Variants in GUCY1A2 observed in about 807,000 individuals in gnomAD.
GUCY1A2 encodes the protein guanylate cyclase 1 soluble subunit alpha 2.
In GUCY1A2, 27 loss-of-function variants were observed where a neutral mutation model predicts 63.5. The ratio of observed to expected loss-of-function variants is 0.43; its 90% confidence interval spans 0.31 to 0.59. The LOEUF is 0.59. Ranked by LOEUF, GUCY1A2 falls within the 20% of genes least tolerant of loss-of-function variation. GUCY1A2 has a pLI of 0.11. For missense variants in GUCY1A2, 768 were observed against 913.3 expected, an observed-to-expected ratio of 0.84 and a Z score of 2.05; for synonymous variants, 364 against 343.5, an observed-to-expected ratio of 1.06 and a Z score of -0.66.
At chr11:106,996,066 C>T (rs976277368) in intron 1 of GUCY1A2, among the ~76,000 whole-genome samples, 5 of 152,166 alleles carry the variant, frequency 3.3e-5, no homozygotes, top group Non-Finnish European at 5.9e-5. Flanking sequence ...GCTGTCAACC[C>T]TAAATGCACT....
chr11:106,972,604 C>G (rs1199263162), intron 3 of GUCY1A2, among the ~76,000 whole-genome samples: 3 of 151,992 alleles, frequency 2.0e-5, no homozygotes, highest in Non-Finnish European at 4.4e-5. Flanking sequence ...AAAAGAAAAG[C>G]TATGTCTGGA....
In GUCY1A2 at chr11:106,939,563, G is replaced by A; in HGVS notation, c.1103C>T (p.Ser368Phe). Reference sequence around the variant, plus strand: ...TTCAAAGGTGGCATTAACCTTTGGAGATACAATCTCGAAGCAGTCCTCAAA... The same window carrying A: ...TTCAAAGGTGGCATTAACCTTTGGAAATACAATCTCGAAGCAGTCCTCAAA... The part of the protein sequence containing the change: ...LKFEDCFEIV[S>F]PKVNATFERV... The change falls in exon 4 of 8, where the codon TCT becomes TTT. Residue 368 changes from serine to phenylalanine, a missense_variant. Ser to Phe is a radical substitution (Grantham distance 155). Around this residue, in one of 3 missense-constraint regions of GUCY1A2, gnomAD observed 496 missense variants for 486.9 expected, o/e 1.02. Transcript: ENST00000526355. 6.2e-7 allele frequency: 1 copy of A among 1,613,658 alleles called. No homozygotes were observed. The highest frequency in any genetic ancestry group is 1.1e-5 in the South Asian group (1 of 91,076).
intron 4 of GUCY1A2, among the ~76,000 whole-genome samples, chr11:106,855,320 A>G (rs1591303237): frequency 6.6e-6 from 1 of 152,220 alleles, no homozygotes; most frequent in Middle Eastern, 3.4e-3. Context: ...CCCACAATGA[A>G]GACACCTTCC....
At chr11:106,758,069 G>A (rs964966373) in intron 6 of GUCY1A2, among the ~76,000 whole-genome samples, 6 of 152,154 alleles carry the variant, frequency 3.9e-5, no homozygotes, top group African/African-American at 1.2e-4. Flanking sequence ...GGAATCTAGA[G>A]AGGCAGTCAG....
intron 1 of GUCY1A2, among the ~76,000 whole-genome samples, chr11:106,986,962 T>C (rs1342096275): frequency 6.6e-6 from 1 of 152,204 alleles, no homozygotes; most frequent in African/African-American, 2.4e-5. Context: ...CAACAGAGAC[T>C]GAACTTGGAG....
chr11:106,861,188 C>T (rs945533338), intron 4 of GUCY1A2, among the ~76,000 whole-genome samples: 15 of 151,922 alleles, frequency 9.9e-5, no homozygotes, highest in African/African-American at 3.6e-4. Context: ...AGGTTGCAGA[C>T]CTCATAACCC....
At chr11:106,809,065 A>C (rs1051565868) in intron 5 of GUCY1A2, among the ~76,000 whole-genome samples, 1 of 152,168 alleles carries the variant, frequency 6.6e-6, no homozygotes, top group Non-Finnish European at 1.5e-5. Context: ...ACACACCTTC[A>C]TAAAAACACC....
At chr11:106,816,444 A>G (rs71488227) in intron 4 of GUCY1A2, among the ~76,000 whole-genome samples, 12 of 151,920 alleles carry the variant, frequency 7.9e-5, no homozygotes, top group Non-Finnish European at 1.6e-4. Context: ...GAAATACAGC[A>G]TATTAAAATA....
At chr11:106,687,818 GA>G (rs1387599052) in intron 7 of GUCY1A2, 62 bp from the exon 8 acceptor site, 1 of 1,147,800 alleles carries the variant, frequency 8.7e-7, no homozygotes, top group African/African-American at 1.5e-5. Flanking sequence ...TACATGGACA[GA>G]AATTTTAAAG....
intron 4 of GUCY1A2, among the ~76,000 whole-genome samples, chr11:106,910,150 A>G (rs1406619093): frequency 6.6e-6 from 1 of 152,042 alleles, no homozygotes; most frequent in African/African-American, 2.4e-5. Context: ...ATTAAGTTAC[A>G]GTATATCCTT....
At chr11:106,984,814 GATTA>G (rs1226494462) in intron 2 of GUCY1A2, among the ~76,000 whole-genome samples, 4 of 152,138 alleles carry the variant, frequency 2.6e-5, no homozygotes, top group Admixed American at 6.5e-5. Flanking sequence ...TGTGGAGAAA[GATTA>G]ATTTGACATT....
rs553100016 is a variant in GUCY1A2, at chr11:106,874,464, C to T, written c.1207-63986G>A. 5.3e-5 allele frequency among the ~76,000 whole-genome samples: 8 copies of T among 152,222 alleles called. No individual in the cohort carries two copies. In the South Asian group the frequency reaches 1.4e-3, roughly 28 times the overall value. Reference sequence around the variant, plus strand: ...TTCCCTCCTTCTGCCTATCTTATGTCACAGTCTCAAAGCAGAGTTGTTCTG... The same window carrying T: ...TTCCCTCCTTCTGCCTATCTTATGTTACAGTCTCAAAGCAGAGTTGTTCTG... On this transcript the variant is annotated intron_variant, in intron 4 of 7. Coordinates refer to ENST00000526355, the MANE Select transcript of GUCY1A2 (RefSeq NM_000855.3).
intron 1 of GUCY1A2, among the ~76,000 whole-genome samples, chr11:106,987,555 G>A (rs898555161): frequency 2.0e-5 from 3 of 151,708 alleles, no homozygotes. Flanking sequence ...GGGAGGCTGA[G>A]GCATAAGAAT....
intron 4 of GUCY1A2, among the ~76,000 whole-genome samples, chr11:106,932,936 CCCCT>C (rs1175905796): frequency 6.6e-6 from 1 of 152,028 alleles, no homozygotes; most frequent in Non-Finnish European, 1.5e-5. Context: ...TGAAATGGGA[CCCCT>C]GCCTTTTACC....
chr11:106,707,695 T>C (rs907427114), intron 7 of GUCY1A2, among the ~76,000 whole-genome samples: 2 of 152,124 alleles, frequency 1.3e-5, no homozygotes, highest in Non-Finnish European at 2.9e-5. Context: ...CTCATCATTA[T>C]GACTGTGAGA....
rs997483551 is a variant in GUCY1A2, at chr11:106,968,209, C to A, written c.487+10410G>T. 3.9e-5 allele frequency among the ~76,000 whole-genome samples: 6 copies of A among 152,120 alleles called. No homozygotes were observed. The East Asian group carries it at 1.2e-3, about 29-fold the overall frequency. On this transcript the variant is annotated intron_variant, in intron 3 of 7. Transcript: ENST00000526355. The stretch of plus-strand genomic sequence containing the variant: ...AAAATACAAAGTTCTGGTCTCTGCC[C>A]TAGATATGATTAATCAAAATATCTG...
chr11:106,909,809 T>C (rs1437402020), intron 4 of GUCY1A2, among the ~76,000 whole-genome samples: 1 of 152,004 alleles, frequency 6.6e-6, no homozygotes, highest in Non-Finnish European at 1.5e-5. Flanking sequence ...AAAGCTGTCA[T>C]GCAAATTCCA....
chr11:106,710,782 C>G (rs916581596), intron 6 of GUCY1A2, among the ~76,000 whole-genome samples: 3 of 151,902 alleles, frequency 2.0e-5, no homozygotes, highest in African/African-American at 7.3e-5. Context: ...GAGATGATAT[C>G]CTTAGTTCTA....
At chr11:107,015,635 T>C (rs1861812699) in intron 1 of GUCY1A2, among the ~76,000 whole-genome samples, 1 of 131,760 alleles carries the variant, frequency 7.6e-6, no homozygotes, top group East Asian at 2.7e-4. Context: ...CCCAAACTAA[T>C]CATTATCTTT....
Sources: allele counts gnomAD v4.1 joint callset (sites outside exome capture counted in the v4.1 genomes callset), GRCh38; gene constraint gnomAD v4.1.1; regional missense constraint gnomAD v4.1.1; transcripts MANE v1.5; gene names NCBI Gene and HGNC (gene_info 2026-07-23, HGNC 2026-07-21).